The following BMPR1B variants were observed in gnomAD, a reference collection of about 807,000 sequenced individuals.
BMPR1B encodes the protein bone morphogenetic protein receptor type 1B.
In BMPR1B, 12 loss-of-function variants were observed where a neutral mutation model predicts 59.1. That is an observed-to-expected ratio of 0.20 (90% confidence interval 0.13 to 0.33). The LOEUF is 0.33. Ranked by LOEUF, BMPR1B falls within the 10% of genes least tolerant of loss-of-function variation. The probability of loss-of-function intolerance (pLI) is 1.00; values close to 1 mark genes in which losing one functional copy is unlikely to be tolerated. For synonymous variants in BMPR1B, 237 were observed against 207.3 expected (o/e 1.14, Z -1.23); for missense variants, 550 against 610.9 (o/e 0.90, Z 1.05).
In BMPR1B at chr4:94,800,302, T is replaced by C. The variant is rs577800574; in HGVS notation, c.-183+42234T>C. Among the ~76,000 whole-genome samples the C allele has an allele frequency of 2.6e-5, 4 of 152,324 alleles. No individual in the cohort carries two copies. In the South Asian group the frequency reaches 8.3e-4, roughly 32 times the overall value. On this transcript the variant is annotated intron_variant, in intron 1 of 12. Coordinates refer to ENST00000515059, the MANE Select transcript of BMPR1B (RefSeq NM_001203.3). ...TGTGAGATTTTGTATTTGTTTATAG[T>C]TGAATGTGTAGGGGATGATTTATTT... is the stretch of plus-strand genomic sequence containing the variant.
chr4:94,831,502 T>C (rs1724589527), intron 1 of BMPR1B, among the ~76,000 whole-genome samples: 1 of 152,202 alleles, frequency 6.6e-6, no homozygotes, highest in African/African-American at 2.4e-5. Context: ...GGATTCCTCA[T>C]TCATGTACCA....
intron 3 of BMPR1B, among the ~76,000 whole-genome samples, chr4:95,034,768 C>CT (rs61126466): frequency 0.042 from 6,284 of 151,378 alleles, 442 homozygotes; most frequent in African/African-American, 0.14. Context: ...CATATAATAA[C>CT]TTTTTTTTCC....
In BMPR1B at chr4:95,146,699, G is replaced by A. The variant is rs574726544; in HGVS notation, c.1077-2049G>A. 1.8e-3 allele frequency among the ~76,000 whole-genome samples: 277 copies of A among 151,920 alleles called. 2 individuals are homozygous for A. The highest frequency in any genetic ancestry group is 2.9e-3 in the Non-Finnish European group (198 of 67,988). On this transcript the variant is annotated intron_variant, in intron 10 of 12. Coordinates refer to ENST00000515059, the MANE Select transcript of BMPR1B (RefSeq NM_001203.3). ...ATGGGACCCAGGACTTCTTACCTGGGGTCACCACTATCTTCCTCATGATTA... is the reference window on the plus strand; with the variant it reads ...ATGGGACCCAGGACTTCTTACCTGGAGTCACCACTATCTTCCTCATGATTA...
At chr4:94,788,162 G>A (rs948161242) in intron 1 of BMPR1B, among the ~76,000 whole-genome samples, 1 of 152,202 alleles carries the variant, frequency 6.6e-6, no homozygotes, top group Non-Finnish European at 1.5e-5. Context: ...CTGATTCATG[G>A]AGGATGGGGT....
intron 3 of BMPR1B, among the ~76,000 whole-genome samples, chr4:95,084,370 T>TA (rs11432089): frequency 0.67 from 101,869 of 151,592 alleles, 34,376 homozygotes; most frequent in South Asian, 0.73. Context: ...TATATGTGTA[T>TA]TGTGTATATA....
At chr4:95,141,187 A>G (rs1734206422) in intron 10 of BMPR1B, among the ~76,000 whole-genome samples, 7 of 152,128 alleles carry the variant, frequency 4.6e-5, no homozygotes, top group East Asian at 1.9e-4. Context: ...TCTATGTTTC[A>G]AAGTTTGCTC....
At chr4:95,104,314 T>C in intron 3 of BMPR1B, 94 bp from the exon 4 acceptor site, 2 of 1,401,398 alleles carry the variant, frequency 1.4e-6, no homozygotes, top group Non-Finnish European at 2.0e-6. Flanking sequence ...TCTTGAATAC[T>C]TCATTTTAAA....
chr4:95,099,180 A>T (rs1730649222), intron 3 of BMPR1B, among the ~76,000 whole-genome samples: 1 of 152,232 alleles, frequency 6.6e-6, no homozygotes, highest in Non-Finnish European at 1.5e-5. Context: ...AGCCGTAGTC[A>T]TTGATCCAGA....
intron 3 of BMPR1B, among the ~76,000 whole-genome samples, chr4:95,076,634 C>T (rs1045472973): frequency 1.3e-5 from 2 of 151,986 alleles, no homozygotes; most frequent in Non-Finnish European, 2.9e-5. Context: ...TGAGGTCACA[C>T]AGCTAATTAT....
chr4:95,029,762 C>A (rs962299907), intron 3 of BMPR1B, among the ~76,000 whole-genome samples: 1 of 152,148 alleles, frequency 6.6e-6, no homozygotes, highest in African/African-American at 2.4e-5. Context: ...TTCTCCACAT[C>A]CTCTCCAGCA....
chr4:95,124,044 T>A, intron 7 of BMPR1B, 138 bp downstream of exon 7: 1 of 641,448 alleles, frequency 1.6e-6, no homozygotes, highest in Non-Finnish European at 2.7e-6. Flanking sequence ...TGAAAATGTC[T>A]GTTACTGTTG....
chr4:95,106,627 C>A (rs2149267953), intron 4 of BMPR1B, among the ~76,000 whole-genome samples: 1 of 151,966 alleles, frequency 6.6e-6, no homozygotes. Flanking sequence ...AACCAAGTTC[C>A]AATCTGGACA....
chr4:94,767,204 C>G (rs1560806164), intron 1 of BMPR1B, among the ~76,000 whole-genome samples: 1 of 152,092 alleles, frequency 6.6e-6, no homozygotes, highest in Non-Finnish European at 1.5e-5. Flanking sequence ...CCAGGGAAAC[C>G]TAAATTATTC....
chr4:94,992,838 C>T (rs964271811), intron 2 of BMPR1B, among the ~76,000 whole-genome samples: 9 of 152,092 alleles, frequency 5.9e-5, no homozygotes, highest in African/African-American at 1.9e-4. Context: ...TATTGTGTTG[C>T]CTTTTCCAGA....
rs528728129 is a variant in BMPR1B, at chr4:94,993,519, G to C, written c.-112-2521G>C. 4.6e-5 allele frequency among the ~76,000 whole-genome samples: 7 copies of C among 152,122 alleles called. No homozygotes were observed. The South Asian group carries it at 1.5e-3, about 32-fold the overall frequency. On this transcript the variant is annotated intron_variant, in intron 2 of 12. Transcript: ENST00000515059. Reference sequence around the variant, plus strand: ...TCACGCTTGTAATCCCAGCACTTTGGGAGGCCGAGGTGAGCAGATTACCTA... The same window carrying C: ...TCACGCTTGTAATCCCAGCACTTTGCGAGGCCGAGGTGAGCAGATTACCTA...
chr4:94,912,312 A>G (rs1414781285), intron 2 of BMPR1B, among the ~76,000 whole-genome samples: 1 of 152,140 alleles, frequency 6.6e-6, no homozygotes, highest in Admixed American at 6.6e-5. Context: ...GTAAAGTACA[A>G]AGTGGAAGCT....
At chr4:95,092,732 A>C (rs1045948406) in intron 3 of BMPR1B, among the ~76,000 whole-genome samples, 1 of 152,140 alleles carries the variant, frequency 6.6e-6, no homozygotes, top group South Asian at 2.1e-4. Context: ...CTTTGGGGAA[A>C]AAGAATAGCA....
intron 1 of BMPR1B, among the ~76,000 whole-genome samples, chr4:94,768,912 T>A (rs1183219553): frequency 6.6e-6 from 1 of 152,184 alleles, no homozygotes; most frequent in Non-Finnish European, 1.5e-5. Context: ...AGATATAACT[T>A]AGATCTAGAC....
At chr4:94,782,028 A>C (rs1185239474) in intron 1 of BMPR1B, among the ~76,000 whole-genome samples, 1 of 151,014 alleles carries the variant, frequency 6.6e-6, no homozygotes, top group Non-Finnish European at 1.5e-5. Flanking sequence ...TATTGTTTTT[A>C]ATTAATGTTT....
Sources: allele counts gnomAD v4.1 joint callset (sites outside exome capture counted in the v4.1 genomes callset), GRCh38; gene constraint gnomAD v4.1.1; transcripts MANE v1.5; gene names NCBI Gene and HGNC (gene_info 2026-07-23, HGNC 2026-07-21).